Variants in SGCZ observed in about 807,000 individuals in gnomAD.
SGCZ encodes the protein zeta-sarcoglycan.
In SGCZ, 40 loss-of-function variants were observed where a neutral mutation model predicts 41.3. The observed-to-expected ratio is 0.97, with a 90% confidence interval of 0.75 to 1.26. SGCZ has a LOEUF of 1.26. Among genes scored for constraint, SGCZ ranks in the 50% most tolerant of loss-of-function variants. The probability of loss-of-function intolerance (pLI) is 0.00; values close to 1 mark genes in which losing one functional copy is unlikely to be tolerated. For missense variants in SGCZ, 552 were observed against 369.8 expected, an observed-to-expected ratio of 1.49 and a Z score of -4.04; for synonymous variants, 206 against 137.5, an observed-to-expected ratio of 1.50 and a Z score of -3.49.
At chr8:14,798,067 T>C (rs1026548444) in intron 1 of SGCZ, among the ~76,000 whole-genome samples, 1 of 152,200 alleles carries the variant, frequency 6.6e-6, no homozygotes, top group African/African-American at 2.4e-5. Flanking sequence ...AAGGAAATGT[T>C]GGGGCCCACT....
chr8:14,684,881 G>A (rs1411888076), intron 1 of SGCZ, among the ~76,000 whole-genome samples: 2 of 152,078 alleles, frequency 1.3e-5, no homozygotes, highest in East Asian at 3.9e-4. Flanking sequence ...GAGGAGGGAG[G>A]TCTGTTATCT....
intron 1 of SGCZ, among the ~76,000 whole-genome samples, chr8:15,033,836 T>C (rs1244233801): frequency 6.6e-6 from 1 of 152,020 alleles, no homozygotes; most frequent in Admixed American, 6.6e-5. Context: ...CTCCAGTGGA[T>C]TCAGGCACCG....
intron 1 of SGCZ, among the ~76,000 whole-genome samples, chr8:15,037,853 A>C (rs868816835): frequency 3.3e-5 from 5 of 152,190 alleles, no homozygotes; most frequent in Admixed American, 6.5e-5. Context: ...TGAAAAATCA[A>C]TAAGAAAACA....
chr8:14,300,496 G>A (rs560230967), intron 3 of SGCZ, among the ~76,000 whole-genome samples: 2 of 152,026 alleles, frequency 1.3e-5, no homozygotes, highest in South Asian at 4.2e-4. Flanking sequence ...CTATGACCTT[G>A]GCCACATTAC....
chr8:14,471,079 T>A (rs1400932255), intron 2 of SGCZ, among the ~76,000 whole-genome samples: 3 of 152,158 alleles, frequency 2.0e-5, no homozygotes, highest in Non-Finnish European at 4.4e-5. Flanking sequence ...ACACTTTAAT[T>A]ACATCTAATT....
chr8:14,941,429 G>C (rs1466153662), intron 1 of SGCZ, among the ~76,000 whole-genome samples: 2 of 152,018 alleles, frequency 1.3e-5, no homozygotes, highest in African/African-American at 2.4e-5. Context: ...TATTTTAAAA[G>C]TGTTTTTAAA....
chr8:14,414,773 A>G (rs938249809), intron 2 of SGCZ, among the ~76,000 whole-genome samples: 3 of 151,952 alleles, frequency 2.0e-5, no homozygotes, highest in African/African-American at 7.2e-5. Context: ...TAGGACATGA[A>G]GAGACAGGTA....
chr8:14,465,574 T>C (rs1801025480), intron 2 of SGCZ, among the ~76,000 whole-genome samples: 1 of 151,764 alleles, frequency 6.6e-6, no homozygotes, highest in South Asian at 2.1e-4. Flanking sequence ...TTTGGGTCTT[T>C]TCTTTCTTGT....
intron 1 of SGCZ, among the ~76,000 whole-genome samples, chr8:15,107,191 G>A (rs980198597): frequency 1.3e-5 from 2 of 152,046 alleles, no homozygotes; most frequent in Admixed American, 1.3e-4. Context: ...TTGTTATCAT[G>A]CTCTGCTGAT....
chr8:14,455,089 T>C (rs552849666), intron 2 of SGCZ, among the ~76,000 whole-genome samples: 4 of 152,064 alleles, frequency 2.6e-5, no homozygotes, highest in Middle Eastern at 3.4e-3. Flanking sequence ...CAGAAATAAC[T>C]TAATAAGAGG....
intron 5 of SGCZ, among the ~76,000 whole-genome samples, chr8:14,161,591 C>T (rs1305121606): frequency 6.6e-6 from 1 of 152,156 alleles, no homozygotes; most frequent in Admixed American, 6.6e-5. Flanking sequence ...TGGGCAATCT[C>T]ATAGTTTGTG....
intron 2 of SGCZ, among the ~76,000 whole-genome samples, chr8:14,449,103 C>A (rs1371005943): frequency 1.3e-5 from 2 of 152,176 alleles, no homozygotes; most frequent in Admixed American, 6.5e-5. Context: ...CAAGTCCCTG[C>A]AGCCCAGGCA....
At chr8:14,597,472 T>A (rs1805450397) in intron 1 of SGCZ, among the ~76,000 whole-genome samples, 1 of 152,176 alleles carries the variant, frequency 6.6e-6, no homozygotes, top group African/African-American at 2.4e-5. Flanking sequence ...TTCCTTTTTT[T>A]GTTTGTTTGT....
chr8:15,112,695 G>C (rs552411106), intron 1 of SGCZ, among the ~76,000 whole-genome samples: 174 of 152,280 alleles, frequency 1.1e-3, no homozygotes, highest in African/African-American at 4.2e-3. Flanking sequence ...GAAGAAATAA[G>C]GTTCCCAGCC....
intron 1 of SGCZ, among the ~76,000 whole-genome samples, chr8:14,860,184 G>GTT (rs2130676196): frequency 6.7e-6 from 1 of 148,858 alleles, no homozygotes; most frequent in African/African-American, 2.5e-5. Context: ...GCTACACAAA[G>GTT]TCTTTTTTTT....
At chr8:14,456,727 T>A (rs1489118921) in intron 2 of SGCZ, among the ~76,000 whole-genome samples, 1 of 152,202 alleles carries the variant, frequency 6.6e-6, no homozygotes, top group Non-Finnish European at 1.5e-5. Flanking sequence ...ATATATGTCC[T>A]CACCCAAATC....
intron 1 of SGCZ, among the ~76,000 whole-genome samples, chr8:14,869,482 A>G (rs1181683660): frequency 6.6e-6 from 1 of 152,198 alleles, no homozygotes; most frequent in African/African-American, 2.4e-5. Flanking sequence ...AGCCAATATC[A>G]TACTGAATGG....
chr8:15,117,239 G>C (rs917042525), intron 1 of SGCZ, among the ~76,000 whole-genome samples: 1 of 151,990 alleles, frequency 6.6e-6, no homozygotes, highest in African/African-American at 2.4e-5. Context: ...GGCGCCTGTA[G>C]TCCCAGCTAC....
intron 1 of SGCZ, among the ~76,000 whole-genome samples, chr8:15,021,464 G>A (rs987047375): frequency 6.6e-6 from 1 of 152,192 alleles, no homozygotes; most frequent in Non-Finnish European, 1.5e-5. Flanking sequence ...TGGCTTATCT[G>A]AGGTTGTACA....
Sources: gnomAD v4.1 joint callset for allele counts (sites outside exome capture counted in the v4.1 genomes callset) on GRCh38, gnomAD v4.1.1 for gene constraint, MANE v1.5 for transcripts, NCBI Gene and HGNC (gene_info 2026-07-23, HGNC 2026-07-21) for gene names.